Variants in PTPRA observed in about 807,000 individuals in gnomAD.
PTPRA encodes protein tyrosine phosphatase receptor type A.
A neutral mutation model predicts 104.8 loss-of-function variants in PTPRA; 25 were observed. The observed-to-expected ratio is 0.24, with a 90% confidence interval of 0.17 to 0.33. PTPRA has a LOEUF of 0.33. Ranked by LOEUF, PTPRA falls within the 10% of genes least tolerant of loss-of-function variation. The pLI is 1.00. For missense variants in PTPRA, 765 were observed against 1,015.3 expected (o/e 0.75, Z 3.35); for synonymous variants, 323 against 368.9 (o/e 0.88, Z 1.43).
At chr20:2,867,012 G>A in the PTPRA span, among the ~76,000 whole-genome samples, 11 of 152,340 alleles carry the variant, frequency 7.2e-5, no homozygotes, top group East Asian at 5.8e-4. Context: ...GTGTAAACAC[G>A]CAAGAACCAC....
intron 11 of PTPRA, among the ~76,000 whole-genome samples, chr20:3,009,274 T>C (rs1353122676): frequency 7.8e-6 from 1 of 128,982 alleles, no homozygotes; most frequent in African/African-American, 2.6e-5. Context: ...GGTGCTGAGT[T>C]GTGTGATTTT....
chr20:2,940,126 C>T lies in PTPRA; in HGVS notation c.-49-7856C>T, dbSNP rs115714990. Among the ~76,000 whole-genome samples the T allele has an allele frequency of 8.1e-3, 1,226 of 152,180 alleles. 11 individuals carry two copies. The highest frequency in any genetic ancestry group is 0.028 in the South Asian group (133 of 4,828). ...ACTCCATCTCAAACAAAAACAAAAA[C>T]AAAAACAAATCAGTGGGAGGAATAG... is the stretch of plus-strand genomic sequence containing the variant. On this transcript the variant is annotated intron_variant, in intron 2 of 23. Coordinates refer to ENST00000399903, the MANE Select transcript of PTPRA (RefSeq NM_001385305.1).
At chr20:3,010,627 C>CA (rs1435604555) in intron 11 of PTPRA, among the ~76,000 whole-genome samples, 5 of 150,938 alleles carry the variant, frequency 3.3e-5, no homozygotes, top group East Asian at 1.9e-4. Context: ...GACTCTGTCT[C>CA]AAAAAAAATA....
upstream of PTPRA, among the ~76,000 whole-genome samples, chr20:2,869,586 T>C (rs1292717918): frequency 6.6e-6 from 1 of 152,152 alleles, no homozygotes; most frequent in Admixed American, 6.5e-5. Context: ...GACGCTAGGA[T>C]TGGGGCTAGG....
chr20:3,019,498 C>A (rs1480112792), intron 13 of PTPRA, among the ~76,000 whole-genome samples: 1 of 151,028 alleles, frequency 6.6e-6, no homozygotes, highest in Non-Finnish European at 1.5e-5. Flanking sequence ...AGAGGTGCTC[C>A]CCACATCTCA....
At chr20:2,869,646 G>T (rs1230657512), upstream of PTPRA, among the ~76,000 whole-genome samples, 2 of 152,180 alleles carry the variant, frequency 1.3e-5, no homozygotes, top group African/African-American at 4.8e-5. Flanking sequence ...ATTTCTTCTT[G>T]TATCAGTGGT....
In PTPRA at chr20:2,876,306, C is replaced by A. The variant is rs532442875; in HGVS notation, c.-129+2546C>A. ...AAAAGAGTATATAGAGAAAAATGTC[C>A]CTCCTACCCTGGCCCCAAGTCTCCT... On this transcript the variant is annotated intron_variant, in intron 1 of 23. Transcript: ENST00000399903. Among the ~76,000 whole-genome samples, 14 of 152,080 alleles carry A rather than the reference C, an allele frequency of 9.2e-5. No homozygotes were observed. In the South Asian group the frequency reaches 2.9e-3, roughly 32 times the overall value.
chr20:2,921,758 T>C (rs1450931627), intron 1 of PTPRA, among the ~76,000 whole-genome samples: 1 of 152,070 alleles, frequency 6.6e-6, no homozygotes, highest in African/African-American at 2.4e-5. Flanking sequence ...TGTTTGGGTA[T>C]AGGGAGCCAT....
intron 7 of PTPRA, among the ~76,000 whole-genome samples, chr20:2,987,169 C>T (rs1025116607): frequency 6.6e-6 from 1 of 151,980 alleles, no homozygotes; most frequent in Non-Finnish European, 1.5e-5. Flanking sequence ...ACAGGTGTTA[C>T]AGGATCTCTA....
intron 1 of PTPRA, among the ~76,000 whole-genome samples, chr20:2,891,527 C>CA (rs1288956277): frequency 6.5e-4 from 99 of 152,304 alleles, no homozygotes; most frequent in African/African-American, 2.3e-3. Context: ...TCAGCTCCTC[C>CA]AGTCAGCATT....
At chr20:2,958,658 TAAAAAAAAAAA>T (rs71195806) in intron 3 of PTPRA, among the ~76,000 whole-genome samples, 13,854 of 62,496 alleles carry the variant, frequency 0.22, 1,059 homozygotes, top group Admixed American at 0.29. Context: ...CCATCTCTAC[TAAAAAAAAAAA>T]AAAAAAAAAA....
intron 1 of PTPRA, among the ~76,000 whole-genome samples, chr20:2,895,892 T>C (rs541406387): frequency 6.6e-6 from 1 of 152,340 alleles, no homozygotes; most frequent in African/African-American, 2.4e-5. Flanking sequence ...TTTTATGTTA[T>C]GTGTTGATGG....
intron 1 of PTPRA, among the ~76,000 whole-genome samples, chr20:2,910,589 G>GTTTTTTTTTTTTTTTTTTTTTA (rs1423909050): frequency 1.7e-5 from 1 of 57,984 alleles, no homozygotes; most frequent in African/African-American, 7.9e-5. Flanking sequence ...TTTTTTTTTT[G>GTTTTTTTTTTTTTTTTTTTTTA]TTTTTTTTTT....
At chr20:2,893,744 C>A (rs2058886773) in intron 1 of PTPRA, among the ~76,000 whole-genome samples, 1 of 152,158 alleles carries the variant, frequency 6.6e-6, no homozygotes. Flanking sequence ...CTTCTTGGCA[C>A]ATGACCTTCT....
At chr20:2,904,550 T>G (rs2059349945) in intron 1 of PTPRA, among the ~76,000 whole-genome samples, 1 of 150,618 alleles carries the variant, frequency 6.6e-6, no homozygotes, top group Non-Finnish European at 1.5e-5. Context: ...ATGCCTGCGG[T>G]CCCAGCTACT....
intron 9 of PTPRA, among the ~76,000 whole-genome samples, chr20:2,991,803 A>G (rs1280047796): frequency 1.3e-5 from 2 of 152,218 alleles, no homozygotes; most frequent in African/African-American, 2.4e-5. Flanking sequence ...GTTTCTAGCA[A>G]TGAGTGCCAT....
intron 3 of PTPRA, among the ~76,000 whole-genome samples, chr20:2,962,443 G>A (rs1033361504): frequency 6.6e-6 from 1 of 152,030 alleles, no homozygotes; most frequent in African/African-American, 2.4e-5. Flanking sequence ...ATGAGGTGGT[G>A]GTCTAACTCC....
chr20:2,954,985 G>A (rs762985544), intron 3 of PTPRA, among the ~76,000 whole-genome samples: 2 of 152,130 alleles, frequency 1.3e-5, no homozygotes, highest in East Asian at 3.8e-4. Flanking sequence ...TTTTATTTGG[G>A]CATATTTATG....
At chr20:3,018,344 T>C (rs2064580137) in intron 13 of PTPRA, among the ~76,000 whole-genome samples, 1 of 152,010 alleles carries the variant, frequency 6.6e-6, no homozygotes, top group Non-Finnish European at 1.5e-5. Flanking sequence ...CAAAGGTCTC[T>C]GGTTTTCCTA....
Sources: gnomAD v4.1 joint callset for allele counts (sites outside exome capture counted in the v4.1 genomes callset) on GRCh38, gnomAD v4.1.1 for gene constraint, MANE v1.5 for transcripts, NCBI Gene and HGNC (gene_info 2026-07-23, HGNC 2026-07-21) for gene names.